Variants in SPECC1 observed in about 807,000 individuals in gnomAD.
SPECC1 encodes the protein sperm antigen with calponin homology and coiled-coil domains 1, also known as cytospin-B.
SPECC1 carries 62 observed loss-of-function variants against 104.1 expected under a neutral mutation model. The ratio of observed to expected loss-of-function variants is 0.60; its 90% CI spans 0.49 to 0.74. SPECC1 has a LOEUF of 0.74. Among genes scored for constraint, SPECC1 ranks in the 30% least tolerant of loss-of-function variants. The probability of loss-of-function intolerance (pLI) is 0.00; values close to 1 mark genes in which losing one functional copy is unlikely to be tolerated. For missense variants in SPECC1, 1,306 were observed against 1,310.5 expected, an observed-to-expected ratio of 1.00 and a Z score of 0.05; for synonymous variants, 513 against 501.6, an observed-to-expected ratio of 1.02 and a Z score of -0.30.
intron 1 of SPECC1, among the ~76,000 whole-genome samples, chr17:20,059,514 A>C (rs922591479): frequency 6.6e-6 from 1 of 152,090 alleles, no homozygotes; most frequent in Non-Finnish European, 1.5e-5. Context: ...TAGATCATCA[A>C]CTCTGCTCTG....
At chr17:20,290,562 T>TG (rs1490406518) in intron 12 of SPECC1, among the ~76,000 whole-genome samples, 1 of 152,154 alleles carries the variant, frequency 6.6e-6, no homozygotes, top group Non-Finnish European at 1.5e-5. Context: ...TTGCCCTGGC[T>TG]GGAGTGTAGT....
At chr17:20,039,406 G>C (rs2045230211) in intron 1 of SPECC1, among the ~76,000 whole-genome samples, 1 of 151,996 alleles carries the variant, frequency 6.6e-6, no homozygotes. Context: ...ATCTTTTCTT[G>C]ATCCTTTTAT....
intron 3 of SPECC1, among the ~76,000 whole-genome samples, chr17:20,169,458 T>G (rs1393697156): frequency 6.6e-6 from 1 of 152,200 alleles, no homozygotes. Context: ...GATAGAATGA[T>G]TTGATGGATT....
intron 3 of SPECC1, among the ~76,000 whole-genome samples, chr17:20,129,078 A>G (rs2049467284): frequency 6.6e-6 from 1 of 151,988 alleles, no homozygotes; most frequent in Admixed American, 6.6e-5. Flanking sequence ...ATTTTTTTGT[A>G]GAGACAGGTG....
intron 3 of SPECC1, among the ~76,000 whole-genome samples, chr17:20,139,710 T>C (rs939352239): frequency 6.6e-6 from 1 of 152,204 alleles, no homozygotes; most frequent in Non-Finnish European, 1.5e-5. Flanking sequence ...ATCTCGCTCT[T>C]GTCTCCCAGG....
chr17:20,036,480 T>C (rs567596050), intron 1 of SPECC1, among the ~76,000 whole-genome samples: 6 of 152,372 alleles, frequency 3.9e-5, no homozygotes, highest in African/African-American at 1.4e-4. Context: ...ATTTATCATG[T>C]ACAACATGAT....
intron 1 of SPECC1, chr17:20,095,929 G>A (rs2047624946): frequency 1.3e-5 from 2 of 152,406 alleles, no homozygotes; most frequent in Admixed American, 6.5e-5. Flanking sequence ...GATGGACCAG[G>A]CCGCTCCTTG....
intron 1 of SPECC1, among the ~76,000 whole-genome samples, chr17:20,014,810 T>A (rs2044058918): frequency 6.6e-6 from 1 of 151,550 alleles, no homozygotes; most frequent in South Asian, 2.1e-4. Flanking sequence ...AGGCTGGGAG[T>A]GTGGCATGAT....
At chr17:20,058,835 C>CTTTTTT (rs58811372) in intron 1 of SPECC1, among the ~76,000 whole-genome samples, 3 of 103,568 alleles carry the variant, frequency 2.9e-5, no homozygotes, top group Non-Finnish European at 3.9e-5. Context: ...CACTTTATTT[C>CTTTTTT]TTTTTTTTTT....
chr17:20,146,979 A>G (rs951301667), intron 3 of SPECC1, among the ~76,000 whole-genome samples: 2 of 152,220 alleles, frequency 1.3e-5, no homozygotes, highest in Admixed American at 6.5e-5. Flanking sequence ...TCCACCAGCA[A>G]TGAATGAGAG....
intron 7 of SPECC1, chr17:20,238,141 C>T: frequency 5.8e-6 from 6 of 1,030,764 alleles, no homozygotes; most frequent in Non-Finnish European, 7.0e-6. Flanking sequence ...TTTCCAGAAT[C>T]TTGTTGGGTT....
chr17:20,297,157 G>T (rs991110712), intron 13 of SPECC1, 80 bp downstream of exon 13: 5 of 1,243,020 alleles, frequency 4.0e-6, no homozygotes, highest in Non-Finnish European at 5.8e-6. Flanking sequence ...GTGGGAGGGG[G>T]CTTACAGGCC....
chr17:20,242,817 T>C (rs1389258420), intron 7 of SPECC1, among the ~76,000 whole-genome samples: 1 of 152,210 alleles, frequency 6.6e-6, no homozygotes, highest in Non-Finnish European at 1.5e-5. Flanking sequence ...TTGTTGAAAA[T>C]TAAATTAGAT....
intron 12 of SPECC1, among the ~76,000 whole-genome samples, chr17:20,268,530 C>T (rs1327146115): frequency 6.6e-6 from 1 of 152,236 alleles, no homozygotes; most frequent in Non-Finnish European, 1.5e-5. Flanking sequence ...ATTCAAAGAA[C>T]ATAAAGCCTT....
intron 1 of SPECC1, among the ~76,000 whole-genome samples, chr17:20,059,449 G>C (rs1468976655): frequency 6.6e-6 from 1 of 152,128 alleles, no homozygotes; most frequent in African/African-American, 2.4e-5. Flanking sequence ...CTCACCTCCT[G>C]CTGTGTGGCC....
At chr17:20,096,014 G>C (rs1466989298) in intron 1 of SPECC1, 1 of 152,200 alleles carries the variant, frequency 6.6e-6, no homozygotes, top group Admixed American at 6.5e-5. Context: ...ATTTTCCCCT[G>C]ATGTCTTCAG....
chr17:20,259,557 G>T (rs2151591535), intron 11 of SPECC1, among the ~76,000 whole-genome samples: 1 of 152,168 alleles, frequency 6.6e-6, no homozygotes, highest in South Asian at 2.1e-4. Flanking sequence ...CCGGGCTGTA[G>T]TGAAGTGGCA....
intron 1 of SPECC1, among the ~76,000 whole-genome samples, chr17:20,048,884 C>G (rs908918738): frequency 6.6e-6 from 1 of 151,794 alleles, no homozygotes; most frequent in Non-Finnish European, 1.5e-5. Flanking sequence ...AGAGTGAGAC[C>G]CTGTCTCAGA....
chr17:20,097,036 C>T (rs544125670), intron 2 of SPECC1, among the ~76,000 whole-genome samples: 1 of 152,184 alleles, frequency 6.6e-6, no homozygotes, highest in South Asian at 2.1e-4. Context: ...AATTAAGGTC[C>T]TCTGCCCTGG....
Sources: gnomAD v4.1 joint callset for allele counts (sites outside exome capture counted in the v4.1 genomes callset) on GRCh38, gnomAD v4.1.1 for gene constraint, MANE v1.5 for transcripts, NCBI Gene and HGNC (gene_info 2026-07-23, HGNC 2026-07-21) for gene names.